The following AFG1L variants were observed in gnomAD, a reference collection of about 807,000 sequenced individuals.
AFG1L encodes AFG1 like ATPase, also known as AFG1-like ATPase.
AFG1L carries 53 observed loss-of-function variants against 62.2 expected under a neutral mutation model. The ratio of observed to expected loss-of-function variants is 0.85; its 90% CI spans 0.68 to 1.07. The LOEUF is 1.07. Ranked by LOEUF, AFG1L falls within the 50% of genes least tolerant of loss-of-function variation. The pLI, the probability that AFG1L is intolerant of heterozygous loss-of-function variation, is 0.00. For missense variants in AFG1L, 555 were observed against 590.5 expected (o/e 0.94, Z 0.62); for synonymous variants, 228 against 210.3 (o/e 1.08, Z -0.73).
In AFG1L at chr6:108,312,160, C is replaced by T. The variant is rs9486851; in HGVS notation, c.140-11665C>T. 1.2e-4 allele frequency among the ~76,000 whole-genome samples: 18 copies of T among 152,286 alleles called. 1 individual carries two copies. The East Asian group carries it at 2.5e-3, about 21-fold the overall frequency. On this transcript the variant is annotated intron_variant, in intron 1 of 12. Coordinates refer to ENST00000368977, the MANE Select transcript of AFG1L (RefSeq NM_145315.5). ...GATTACAGGCGTGAGCCATCGTGCC[C>T]GGCCTAAAATATAATTTTAAAAAGA...
chr6:108,519,723 T>C lies in AFG1L; in HGVS notation c.1230T>C (p.Thr410=). 10 of 1,612,088 alleles carry C rather than the reference T, an allele frequency of 6.2e-6. No homozygotes were observed. Among genetic ancestry groups the C allele is most frequent in the Non-Finnish European group, 8.5e-6 (10 of 1,178,606 alleles). The change falls in exon 12 of 13, where the codon ACT becomes ACC. Residue 410 remains threonine, a synonymous_variant. Coordinates refer to ENST00000368977, the MANE Select transcript of AFG1L (RefSeq NM_145315.5). The part of the protein sequence containing the change: ...LKVRIICSAS[T]PISSLFLHQH... ...TGCGTATAATTTGCTCTGCGTCGACTCCTATATCAAGCTTATTTTTGCATC... is the reference window on the plus strand; with the variant it reads ...TGCGTATAATTTGCTCTGCGTCGACCCCTATATCAAGCTTATTTTTGCATC...
chr6:108,517,270 AACCAAAACAGCATGTTACTGGT>A (rs1193092972), intron 11 of AFG1L, among the ~76,000 whole-genome samples: 1 of 152,214 alleles, frequency 6.6e-6, no homozygotes, highest in Non-Finnish European at 1.5e-5. Flanking sequence ...AGGCTGCAGT[AACCAAAACAGCATGTTACTGGT>A]ACCAAAACAG....
chr6:108,445,680 G>GAGAA (rs1554198775), intron 7 of AFG1L, among the ~76,000 whole-genome samples: 1 of 139,474 alleles, frequency 7.2e-6, no homozygotes, highest in African/African-American at 2.7e-5. Context: ...GAGAGAGAGA[G>GAGAA]AAACAGCCAG....
chr6:108,511,197 G>A (rs1774640308), intron 11 of AFG1L, among the ~76,000 whole-genome samples: 1 of 151,652 alleles, frequency 6.6e-6, no homozygotes, highest in African/African-American at 2.4e-5. Context: ...AGGAGAAGGA[G>A]GAGAAGGAGA....
intron 2 of AFG1L, among the ~76,000 whole-genome samples, chr6:108,324,339 A>G (rs891925930): frequency 1.3e-5 from 2 of 152,226 alleles, no homozygotes; most frequent in Non-Finnish European, 1.5e-5. Flanking sequence ...GGCCTCATCC[A>G]GGGATCAGCA....
intron 8 of AFG1L, among the ~76,000 whole-genome samples, chr6:108,449,797 T>C (rs1771977229): frequency 6.6e-6 from 1 of 152,174 alleles, no homozygotes; most frequent in African/African-American, 2.4e-5. Flanking sequence ...TTCCCCTTCC[T>C]GTGTCCATGT....
At chr6:108,353,153 ATTTTT>A (rs35734578) in intron 3 of AFG1L, among the ~76,000 whole-genome samples, 2 of 121,014 alleles carry the variant, frequency 1.7e-5, no homozygotes, top group African/African-American at 6.1e-5. Context: ...ACAATGTTTA[ATTTTT>A]TTTTTTTTTT....
At chr6:108,493,334 A>G (rs1309334031) in intron 10 of AFG1L, among the ~76,000 whole-genome samples, 1 of 152,234 alleles carries the variant, frequency 6.6e-6, no homozygotes, top group Non-Finnish European at 1.5e-5. Flanking sequence ...ATGGTGAGCC[A>G]AGGTGTGTGA....
chr6:108,365,780 C>A (rs539313929), intron 5 of AFG1L, among the ~76,000 whole-genome samples: 1 of 152,138 alleles, frequency 6.6e-6, no homozygotes, highest in South Asian at 2.1e-4. Flanking sequence ...TTTAAAGTCA[C>A]CTTTCCAGGG....
intron 6 of AFG1L, among the ~76,000 whole-genome samples, chr6:108,396,053 T>G (rs1348855785): frequency 5.3e-5 from 8 of 151,418 alleles, no homozygotes; most frequent in South Asian, 2.1e-4. Context: ...TTTTTGTTTT[T>G]TTTTTTGTAG....
intron 6 of AFG1L, among the ~76,000 whole-genome samples, chr6:108,381,292 A>G (rs1377207035): frequency 6.6e-6 from 1 of 151,996 alleles, no homozygotes; most frequent in Non-Finnish European, 1.5e-5. Context: ...TTCATTCAGC[A>G]ATTTTGTCAT....
chr6:108,323,857 C>A lies in AFG1L; in HGVS notation c.172C>A (p.Pro58Thr). The change falls in exon 2 of 13, where the codon CCA becomes ACA. Residue 58 changes from proline (P) to threonine (T), a missense_variant. Coordinates refer to ENST00000368977, the MANE Select transcript of AFG1L (RefSeq NM_145315.5). ...YTVQTSESMT[P>T]TATSETYLKA... is the part of the protein sequence containing the mutation. ...GGTTCAGACATCCGAGAGCATGACC[C>A]CAACTGCCACTTCAGAGACTTATTT... The A allele has an allele frequency of 6.2e-7, 1 of 1,614,064 alleles. No individual in the cohort carries two copies. Among genetic ancestry groups the A allele is most frequent in the Non-Finnish European group, 8.5e-7 (1 of 1,179,996 alleles).
intron 6 of AFG1L, among the ~76,000 whole-genome samples, chr6:108,367,972 C>T (rs1779829290): frequency 6.6e-6 from 1 of 151,976 alleles, no homozygotes; most frequent in Non-Finnish European, 1.5e-5. Context: ...TAAGCTATGC[C>T]ACATTGATGG....
At chr6:108,376,460 T>C (rs543338012) in intron 6 of AFG1L, among the ~76,000 whole-genome samples, 142 of 152,284 alleles carry the variant, frequency 9.3e-4, no homozygotes, top group African/African-American at 3.4e-3. Context: ...TTTGGGATAT[T>C]GTGTCTTTGT....
intron 7 of AFG1L, among the ~76,000 whole-genome samples, chr6:108,422,039 T>TTTAGA (rs1310062408): frequency 6.6e-6 from 1 of 152,044 alleles, no homozygotes; most frequent in Non-Finnish European, 1.5e-5. Flanking sequence ...AGGGAATAAT[T>TTTAGA]TTAGATTGTT....
chr6:108,416,511 C>G (rs1350410727), intron 7 of AFG1L, among the ~76,000 whole-genome samples: 2 of 152,198 alleles, frequency 1.3e-5, no homozygotes, highest in African/African-American at 2.4e-5. Context: ...AGAGCAAAGA[C>G]TTGGAACCAA....
intron 8 of AFG1L, among the ~76,000 whole-genome samples, chr6:108,460,577 T>A (rs890211695): frequency 6.6e-6 from 1 of 152,240 alleles, no homozygotes; most frequent in African/African-American, 2.4e-5. Flanking sequence ...CCTTTACTGC[T>A]TTCTCTTACA....
intron 8 of AFG1L, among the ~76,000 whole-genome samples, chr6:108,457,910 C>T (rs1290994860): frequency 6.7e-6 from 1 of 150,362 alleles, no homozygotes; most frequent in Admixed American, 6.6e-5. Flanking sequence ...TTTCTTCCTT[C>T]CTTCCTCTCT....
chr6:108,446,800 C>T (rs1175521216), intron 7 of AFG1L, among the ~76,000 whole-genome samples: 6 of 151,974 alleles, frequency 3.9e-5, no homozygotes, highest in Non-Finnish European at 7.4e-5. Flanking sequence ...CACCATTGTC[C>T]ACTCCCAGCT....
Sources: gnomAD v4.1 joint callset for allele counts (sites outside exome capture counted in the v4.1 genomes callset) on GRCh38, gnomAD v4.1.1 for gene constraint, MANE v1.5 for transcripts, NCBI Gene and HGNC (gene_info 2026-07-23, HGNC 2026-07-21) for gene names.